Variants in IGF1 observed in about 807,000 individuals in gnomAD.
The protein encoded by IGF1 is insulin like growth factor 1.
In IGF1, 4 loss-of-function variants were observed where a neutral mutation model predicts 13.8. The observed-to-expected ratio is 0.29, with a 90% CI of 0.14 to 0.66. The LOEUF is 0.66. Ranked by LOEUF, IGF1 falls within the 30% of genes least tolerant of loss-of-function variation. The probability of loss-of-function intolerance (pLI) is 0.78; values close to 1 mark genes in which losing one functional copy is unlikely to be tolerated. For synonymous variants in IGF1, 76 were observed against 72.6 expected, an observed-to-expected ratio of 1.05 and a Z score of -0.23; for missense variants, 124 against 188.5, an observed-to-expected ratio of 0.66 and a Z score of 2.00.
At chr12:102,407,094 CAAAAAAAAAAAAAAAAAAAAAAAAAAA>C (rs57468885) in intron 3 of IGF1, among the ~76,000 whole-genome samples, 13 of 100,972 alleles carry the variant, frequency 1.3e-4, no homozygotes, top group South Asian at 3.2e-4. Context: ...ACTCTGTCTC[CAAAAAAAAAAAAAAAAAAAAAAAAAAA>C]AAAAAAAAAA....
chr12:102,430,265 T>G (rs1185835634), intron 2 of IGF1, among the ~76,000 whole-genome samples: 3 of 152,172 alleles, frequency 2.0e-5, no homozygotes, highest in Admixed American at 1.3e-4. Context: ...TTCTCAGCCT[T>G]CCAGCCAAGT....
Position 102,434,489 on chromosome 12 carries a change from T to G in IGF1, c.221-14799A>C, listed in dbSNP as rs545234608. Among the ~76,000 whole-genome samples, 333 of 148,702 alleles carry G rather than the reference T, an allele frequency of 2.2e-3. 2 individuals are homozygous for G. Among genetic ancestry groups the G allele is most frequent in the African/African-American group, 7.7e-3 (312 of 40,582 alleles). On this transcript the variant is annotated intron_variant, in intron 2 of 3. Transcript: ENST00000337514. ...ACAAAGGACATGAACTCATCATTTT[T>G]TATGGCTGCATAGTATTCCATGGTG...
Position 102,480,383 on chromosome 12 carries a change from G to C in IGF1, c.-2C>G, listed in dbSNP as rs559000865. 5.3e-5 allele frequency: 85 copies of C among 1,613,446 alleles called. No individual in the cohort carries two copies. In the South Asian group the frequency reaches 8.9e-4, roughly 17 times the overall value. On this transcript the variant is annotated 5_prime_UTR_variant, in exon 1 of 4. Coordinates refer to ENST00000337514, the MANE Select transcript of IGF1 (RefSeq NM_000618.5). ...TGGAAGACTGCTGATTTTTCCCATTGCTTCTGAAGTACAAAGTCTGAAAAT... is the reference window on the plus strand; with the variant it reads ...TGGAAGACTGCTGATTTTTCCCATTCCTTCTGAAGTACAAAGTCTGAAAAT...
chr12:102,441,906 G>GCTGCTGCTGCTTCTTCTTCAT, intron 2 of IGF1, among the ~76,000 whole-genome samples: 1 of 100,292 alleles, frequency 1.0e-5, no homozygotes. Context: ...CTATTACACT[G>GCTGCTGCTGCTTCTTCTTCAT]CTTCTTCTCC....
intron 2 of IGF1, among the ~76,000 whole-genome samples, chr12:102,452,026 G>A (rs1878984196): frequency 6.6e-6 from 1 of 152,124 alleles, no homozygotes; most frequent in Non-Finnish European, 1.5e-5. Context: ...ACTTTGGGAG[G>A]CCGAGGCGGG....
chr12:102,402,618 C>A, intron 3 of IGF1, 52 bp from the exon 4 acceptor site: 2 of 778,796 alleles, frequency 2.6e-6, no homozygotes, highest in East Asian at 2.4e-5. Context: ...TTTATGTATC[C>A]ATCTATTTCT....
chr12:102,446,397 C>G (rs12425939), intron 2 of IGF1, among the ~76,000 whole-genome samples: 10,097 of 152,080 alleles, frequency 0.066, 673 homozygotes, highest in East Asian at 0.27. Flanking sequence ...GCCTCAATTT[C>G]AGAACTTGTT....
chr12:102,396,994 A>C lies in IGF1; in HGVS notation c.*5513T>G, dbSNP rs1055559964. 1 of 395,632 alleles carries C rather than the reference A, an allele frequency of 2.5e-6. No homozygotes were observed. Among genetic ancestry groups the C allele is most frequent in the African/African-American group, 2.1e-5 (1 of 48,500 alleles). The allele number at this position is 395,632 out of a possible 1,614,324, so 24.5% of individuals were successfully genotyped here. ...GAGGCGGGCAAATCACAAGGTCAGG[A>C]GTTTGAGACCAACCTGGCCAACATG... On this transcript the variant is annotated 3_prime_UTR_variant, in exon 4 of 4. Coordinates refer to ENST00000337514, the MANE Select transcript of IGF1 (RefSeq NM_000618.5).
At chr12:102,431,681 C>A (rs994127717) in intron 2 of IGF1, among the ~76,000 whole-genome samples, 4 of 152,074 alleles carry the variant, frequency 2.6e-5, no homozygotes, top group Admixed American at 2.6e-4. Flanking sequence ...AAGTTGATAC[C>A]TTTACTGGGA....
chr12:102,411,123 A>C (rs1479380580), intron 3 of IGF1, among the ~76,000 whole-genome samples: 3 of 152,252 alleles, frequency 2.0e-5, no homozygotes, highest in African/African-American at 2.4e-5. Context: ...CAGAGCATTC[A>C]ATAGTGACCT....
intron 2 of IGF1, among the ~76,000 whole-genome samples, chr12:102,428,773 A>C (rs1054250280): frequency 9.2e-5 from 14 of 152,190 alleles, no homozygotes; most frequent in African/African-American, 3.4e-4. Context: ...CTAGTGTTTA[A>C]CATAGGCCAA....
At chr12:102,473,271 A>G (rs1165553961) in intron 2 of IGF1, among the ~76,000 whole-genome samples, 2 of 152,206 alleles carry the variant, frequency 1.3e-5, no homozygotes, top group African/African-American at 4.8e-5. Flanking sequence ...AATAATACTT[A>G]GTTGCATTTT....
At chr12:102,473,692 A>T (rs550180417) in intron 2 of IGF1, among the ~76,000 whole-genome samples, 3 of 152,342 alleles carry the variant, frequency 2.0e-5, no homozygotes, top group East Asian at 3.9e-4. Flanking sequence ...TTTTCAAGTT[A>T]TTGAGATACA....
chr12:102,408,088 A>G (rs1874321884), intron 3 of IGF1, among the ~76,000 whole-genome samples: 1 of 152,252 alleles, frequency 6.6e-6, no homozygotes, highest in Non-Finnish European at 1.5e-5. Flanking sequence ...AATTCTGTCC[A>G]GCATGGAATA....
At chr12:102,431,817 T>A (rs1876765456) in intron 2 of IGF1, among the ~76,000 whole-genome samples, 1 of 152,210 alleles carries the variant, frequency 6.6e-6, no homozygotes, top group Admixed American at 6.5e-5. Context: ...TTCTAGAGAA[T>A]GCCAGAAGGA....
chr12:102,423,431 C>T (rs1210120644), intron 2 of IGF1, among the ~76,000 whole-genome samples: 3 of 152,088 alleles, frequency 2.0e-5, no homozygotes, highest in Non-Finnish European at 2.9e-5. Flanking sequence ...TTCTTGCTGA[C>T]AAAGTCTTGA....
intron 2 of IGF1, among the ~76,000 whole-genome samples, chr12:102,468,714 G>A (rs142698395): frequency 1.2e-4 from 19 of 152,330 alleles, no homozygotes; most frequent in African/African-American, 4.3e-4. Context: ...CTCATGGAGA[G>A]GTGTACGATG....
chr12:102,418,114 C>A (rs1875327765), intron 3 of IGF1: 2 of 1,160,588 alleles, frequency 1.7e-6, no homozygotes, highest in East Asian at 5.0e-5. Flanking sequence ...AGCACTCATG[C>A]TGGAGAGGGG....
chr12:102,478,601 G>A (rs1881217079), intron 1 of IGF1: 3 of 1,548,634 alleles, frequency 1.9e-6, no homozygotes, highest in Admixed American at 2.0e-5. Flanking sequence ...TGCTTTGTGG[G>A]TGGGGTTTGT....
Sources: gnomAD v4.1 joint callset for allele counts (sites outside exome capture counted in the v4.1 genomes callset) on GRCh38, gnomAD v4.1.1 for gene constraint, MANE v1.5 for transcripts, NCBI Gene and HGNC (gene_info 2026-07-23, HGNC 2026-07-21) for gene names.